Variants in NRXN3 observed in about 807,000 individuals in gnomAD.
The protein encoded by NRXN3 is neurexin III.
NRXN3 carries 32 observed loss-of-function variants against 137.6 expected under a neutral mutation model. The observed-to-expected ratio is 0.23, with a 90% confidence interval of 0.18 to 0.31. The LOEUF is 0.31. Ranked by LOEUF, NRXN3 falls within the 10% of genes least tolerant of loss-of-function variation. The probability of loss-of-function intolerance (pLI) is 1.00; values close to 1 mark genes in which losing one functional copy is unlikely to be tolerated. For synonymous variants in NRXN3, 798 were observed against 784.5 expected (o/e 1.02, Z -0.29); for missense variants, 1,574 against 2,062.5 (o/e 0.76, Z 4.59).
intron 6 of NRXN3, chr14:78,695,172 G>A (rs2098213905): frequency 6.6e-6 from 1 of 151,884 alleles, no homozygotes; most frequent in African/African-American, 2.4e-5. Context: ...CTGTATGTGT[G>A]ATCTTCCTTT....
intron 15 of NRXN3, among the ~76,000 whole-genome samples, chr14:79,215,268 G>A (rs2068298468): frequency 6.6e-6 from 1 of 152,086 alleles, no homozygotes; most frequent in Non-Finnish European, 1.5e-5. Flanking sequence ...CTATTTAAAG[G>A]CAGGGCTTTG....
At chr14:78,884,040 G>A (rs2099136440) in intron 10 of NRXN3, among the ~76,000 whole-genome samples, 1 of 152,084 alleles carries the variant, frequency 6.6e-6, no homozygotes, top group Non-Finnish European at 1.5e-5. Context: ...TTTGTATAAT[G>A]CTAATGTATC....
intron 15 of NRXN3, among the ~76,000 whole-genome samples, chr14:79,158,245 A>G (rs1052773181): frequency 7.9e-5 from 12 of 151,788 alleles, no homozygotes; most frequent in African/African-American, 2.9e-4. Flanking sequence ...TTGTGTAGAA[A>G]AGTCTCTGCT....
At chr14:78,577,472 A>G (rs552653615) in intron 4 of NRXN3, among the ~76,000 whole-genome samples, 1 of 150,058 alleles carries the variant, frequency 6.7e-6, no homozygotes, top group South Asian at 2.1e-4. Context: ...TTATAGGTGA[A>G]TTTTTTTTTT....
At chr14:79,476,737 A>G (rs736641) in intron 16 of NRXN3, among the ~76,000 whole-genome samples, 38,847 of 151,926 alleles carry the variant, frequency 0.26, 5,540 homozygotes, top group Middle Eastern at 0.36. Context: ...ACTGTCTTAT[A>G]ATGAGCTCAT....
intron 15 of NRXN3, among the ~76,000 whole-genome samples, chr14:79,108,995 A>T (rs1008013746): frequency 3.3e-5 from 5 of 152,198 alleles, no homozygotes; most frequent in African/African-American, 4.8e-5. Flanking sequence ...ACTCTAAAAA[A>T]TAGGCTACTG....
intron 18 of NRXN3, among the ~76,000 whole-genome samples, chr14:79,695,175 CTCA>C (rs2154027652): frequency 6.6e-6 from 1 of 151,442 alleles, no homozygotes; most frequent in South Asian, 2.1e-4. Context: ...ATGAAGGAGA[CTCA>C]TCATCTCTAG....
chr14:78,958,349 T>C (rs535253829), intron 11 of NRXN3, among the ~76,000 whole-genome samples: 2 of 151,178 alleles, frequency 1.3e-5, no homozygotes, highest in Admixed American at 6.6e-5. Context: ...TATATCTTTT[T>C]TTTCTTTCTT....
intron 16 of NRXN3, among the ~76,000 whole-genome samples, chr14:79,499,854 G>T (rs929716494): frequency 2.1e-4 from 32 of 151,728 alleles, no homozygotes; most frequent in Admixed American, 8.5e-4. Context: ...TTGTTCATTT[G>T]TTCATTCATT....
chr14:79,301,232 C>T lies in NRXN3; in HGVS notation c.3263-165989C>T, dbSNP rs1252404711. On this transcript the variant is annotated intron_variant, in intron 15 of 20. Coordinates refer to ENST00000335750, the MANE Select transcript of NRXN3 (RefSeq NM_001330195.2). ...GGTTCCCAGCTCACTTCCCAAAAGA[C>T]AATCATGTGGACTATCTGCTGTGAT... 2.0e-5 allele frequency among the ~76,000 whole-genome samples: 3 copies of T among 152,074 alleles called. No homozygotes were observed. In the East Asian group the frequency reaches 5.8e-4, roughly 29 times the overall value.
intron 15 of NRXN3, among the ~76,000 whole-genome samples, chr14:79,133,553 A>G (rs1317757749): frequency 1.3e-5 from 2 of 152,164 alleles, no homozygotes; most frequent in African/African-American, 2.4e-5. Flanking sequence ...AAAGGTACAT[A>G]TATGTGTATA....
chr14:79,837,649 C>G (rs1174347901), intron 20 of NRXN3, among the ~76,000 whole-genome samples: 1 of 152,114 alleles, frequency 6.6e-6, no homozygotes, highest in Non-Finnish European at 1.5e-5. Flanking sequence ...CTTTTCACCA[C>G]TAATAGTTCT....
intron 4 of NRXN3, among the ~76,000 whole-genome samples, chr14:78,506,737 A>G (rs1456422272): frequency 6.8e-6 from 1 of 146,710 alleles, no homozygotes. Flanking sequence ...AGGCACAATC[A>G]TAGCATGCTA....
chr14:79,381,825 C>A (rs960574688), intron 15 of NRXN3, among the ~76,000 whole-genome samples: 3 of 152,098 alleles, frequency 2.0e-5, no homozygotes, highest in African/African-American at 4.8e-5. Context: ...AGGCAGAAAA[C>A]CAGCAACTAG....
chr14:78,980,120 C>T (rs905630147), intron 14 of NRXN3, among the ~76,000 whole-genome samples: 1 of 152,164 alleles, frequency 6.6e-6, no homozygotes, highest in Non-Finnish European at 1.5e-5. Flanking sequence ...GAGTCTAAGC[C>T]CTTTGACTTA....
chr14:78,872,454 C>CT (rs1384055661), intron 10 of NRXN3, among the ~76,000 whole-genome samples: 1 of 151,380 alleles, frequency 6.6e-6, no homozygotes, highest in Non-Finnish European at 1.5e-5. Flanking sequence ...CATTGTATCT[C>CT]TTTTTTATTC....
At chr14:78,839,898 C>CA (rs543811605) in intron 10 of NRXN3, among the ~76,000 whole-genome samples, 143 of 152,290 alleles carry the variant, frequency 9.4e-4, no homozygotes, top group Non-Finnish European at 1.8e-3. Context: ...ATCACTGATC[C>CA]AATAAGGAAA....
chr14:78,778,756 T>TTA lies in NRXN3; in HGVS notation c.2045-24863_2045-24862insAT, dbSNP rs1357959733. On this transcript the variant is annotated intron_variant, in intron 8 of 20. Transcript: ENST00000335750. ...TCTCTCTCTTTCTTTCTTTCCTTCTTTCTCTTTCTTTCTTTCTTTCTTTCT... is the reference window on the plus strand; with the variant it reads ...TCTCTCTCTTTCTTTCTTTCCTTCTTTATCTCTTTCTTTCTTTCTTTCTTTCT... 4.5e-3 allele frequency among the ~76,000 whole-genome samples: 524 copies of TTA among 116,766 alleles called. 5 individuals are homozygous for TTA. Among genetic ancestry groups the TTA allele is most frequent in the African/African-American group, 0.017 (492 of 28,852 alleles). 76.6% of individuals were successfully genotyped at this position (116,766 alleles called of 152,430 possible). A position where few individuals can be genotyped will look rare whatever the true frequency, so the allele number is the denominator to read the frequency against.
At chr14:78,366,250 T>A (rs1324692909) in intron 4 of NRXN3, among the ~76,000 whole-genome samples, 17 of 152,180 alleles carry the variant, frequency 1.1e-4, no homozygotes, top group Admixed American at 1.1e-3. Flanking sequence ...GAAAGATGAT[T>A]CCATTTCCCA....
Sources: allele counts gnomAD v4.1 joint callset (sites outside exome capture counted in the v4.1 genomes callset), GRCh38; gene constraint gnomAD v4.1.1; transcripts MANE v1.5; gene names NCBI Gene and HGNC (gene_info 2026-07-23, HGNC 2026-07-21).